Variants in CSNK2A2IP observed in about 807,000 individuals in gnomAD.
The protein encoded by CSNK2A2IP is casein kinase II subunit alpha'-interacting protein.
the CSNK2A2IP span, among the ~76,000 whole-genome samples, chr3:88,348,666 C>A: frequency 6.6e-6 from 1 of 151,970 alleles, no homozygotes; most frequent in East Asian, 1.9e-4. Context: ...CTTTTGTATT[C>A]TTTTGTGTAA....
the CSNK2A2IP span, among the ~76,000 whole-genome samples, chr3:88,376,162 C>T: frequency 6.6e-6 from 1 of 151,072 alleles, no homozygotes; most frequent in Admixed American, 6.6e-5. Flanking sequence ...TCCTCTTTTC[C>T]CCACTTTTCT....
the CSNK2A2IP span, among the ~76,000 whole-genome samples, chr3:88,376,868 C>A: frequency 1.3e-5 from 2 of 151,740 alleles, no homozygotes; most frequent in Admixed American, 1.3e-4. Context: ...CCTCTTTAAC[C>A]ACTCTGCAGC....
At chr3:88,434,352 AG>A in the CSNK2A2IP span, among the ~76,000 whole-genome samples, 1 of 127,506 alleles carries the variant, frequency 7.8e-6, no homozygotes, top group Admixed American at 7.5e-5. Flanking sequence ...ATCCAAATGC[AG>A]AAAAAAAAAA....
At chr3:88,416,221 C>G in the CSNK2A2IP span, among the ~76,000 whole-genome samples, 1 of 149,552 alleles carries the variant, frequency 6.7e-6, no homozygotes, top group Non-Finnish European at 1.5e-5. Flanking sequence ...TGCAGTGAGC[C>G]GAGATCGGCC....
the CSNK2A2IP span, among the ~76,000 whole-genome samples, chr3:88,358,315 GC>G: frequency 6.6e-6 from 1 of 152,056 alleles, no homozygotes; most frequent in Non-Finnish European, 1.5e-5. Flanking sequence ...CAATTTGGGT[GC>G]CCTTTATTTC....
chr3:88,419,064 C>T, the CSNK2A2IP span, among the ~76,000 whole-genome samples: 2 of 152,106 alleles, frequency 1.3e-5, no homozygotes, highest in Non-Finnish European at 1.5e-5. Flanking sequence ...CTCCCATCAC[C>T]CCCAGATGGG....
At chr3:88,434,206 ACT>A in the CSNK2A2IP span, among the ~76,000 whole-genome samples, 1 of 152,166 alleles carries the variant, frequency 6.6e-6, no homozygotes, top group Non-Finnish European at 1.5e-5. Flanking sequence ...ATTCGAGTGC[ACT>A]GTTTCCTGCT....
At chr3:88,404,730 C>T in the CSNK2A2IP span, among the ~76,000 whole-genome samples, 1 of 147,660 alleles carries the variant, frequency 6.8e-6, no homozygotes, top group Non-Finnish European at 1.5e-5. Flanking sequence ...GTCTTTTTCT[C>T]TTCGAACTTT....
At chr3:88,444,563 T>A in the CSNK2A2IP span, among the ~76,000 whole-genome samples, 2 of 152,212 alleles carry the variant, frequency 1.3e-5, no homozygotes, top group African/African-American at 4.8e-5. Context: ...TTCATTCTTA[T>A]CCTAAAATAA....
chr3:88,392,218 T>C, the CSNK2A2IP span, among the ~76,000 whole-genome samples: 8 of 152,262 alleles, frequency 5.3e-5, no homozygotes, highest in Middle Eastern at 0.01. Context: ...TAAAAGATAA[T>C]ACATATTGTT....
the CSNK2A2IP span, among the ~76,000 whole-genome samples, chr3:88,366,418 T>C: frequency 7.2e-3 from 1,103 of 152,196 alleles, 6 homozygotes; most frequent in Middle Eastern, 0.017. Context: ...ATAAAGCAAA[T>C]TATGAGAGAA....
the CSNK2A2IP span, among the ~76,000 whole-genome samples, chr3:88,443,407 C>T: frequency 6.6e-6 from 1 of 151,884 alleles, no homozygotes; most frequent in Non-Finnish European, 1.5e-5. Flanking sequence ...AAAAGGAGTG[C>T]AAATTGAGAA....
the CSNK2A2IP span, among the ~76,000 whole-genome samples, chr3:88,421,500 T>C: frequency 1.3e-5 from 2 of 152,152 alleles, no homozygotes; most frequent in Non-Finnish European, 2.9e-5. Flanking sequence ...CACTGCAACC[T>C]CCACCTTCCG....
the CSNK2A2IP span, among the ~76,000 whole-genome samples, chr3:88,460,952 T>C: frequency 6.6e-6 from 1 of 152,006 alleles, no homozygotes; most frequent in Admixed American, 6.6e-5. Flanking sequence ...CTGGGCGTGG[T>C]GGTGCATGCC....
chr3:88,345,730 T>C, the CSNK2A2IP span, among the ~76,000 whole-genome samples: 1 of 151,784 alleles, frequency 6.6e-6, no homozygotes, highest in Admixed American at 6.6e-5. Context: ...CCGTCTCTCT[T>C]TCTTTAGATC....
chr3:88,395,019 TC>T, the CSNK2A2IP span, among the ~76,000 whole-genome samples: 1 of 152,168 alleles, frequency 6.6e-6, no homozygotes, highest in African/African-American at 2.4e-5. Flanking sequence ...AAATGTACCC[TC>T]AAACCTAAAA....
At chr3:88,359,138 A>G in the CSNK2A2IP span, among the ~76,000 whole-genome samples, 1 of 151,486 alleles carries the variant, frequency 6.6e-6, no homozygotes, top group Non-Finnish European at 1.5e-5. Flanking sequence ...CTAGAAGTTC[A>G]TTCATTTCTT....
At chr3:88,451,493 A>G in the CSNK2A2IP span, among the ~76,000 whole-genome samples, 11 of 151,496 alleles carry the variant, frequency 7.3e-5, no homozygotes, top group African/African-American at 2.7e-4. Flanking sequence ...TGTCCTCTTG[A>G]GTAAGACAGC....
At chr3:88,396,071 A>T in the CSNK2A2IP span, among the ~76,000 whole-genome samples, 2 of 151,140 alleles carry the variant, frequency 1.3e-5, no homozygotes, top group African/African-American at 2.4e-5. Flanking sequence ...AAAGAGTCAC[A>T]TATTAAGTGC....
Sources: gnomAD v4.1 joint callset for allele counts (sites outside exome capture counted in the v4.1 genomes callset) on GRCh38, gnomAD v4.1.1 for gene constraint, MANE v1.5 for transcripts, NCBI Gene and HGNC (gene_info 2026-07-23, HGNC 2026-07-21) for gene names.